SHLD2: variants seen among roughly 807,000 people sequenced by gnomAD.
SHLD2 encodes RINN1-REV7-interacting novel NHEJ regulator 2.
In SHLD2, 30 loss-of-function variants were observed where a neutral mutation model predicts 73.2. The observed-to-expected ratio is 0.41, with a 90% CI of 0.31 to 0.56. SHLD2 has a LOEUF of 0.56. Ranked by LOEUF, SHLD2 falls within the 20% of genes least tolerant of loss-of-function variation. The pLI, the probability that SHLD2 is intolerant of heterozygous loss-of-function variation, is 0.28. For missense variants in SHLD2, 745 were observed against 1,055.9 expected, an observed-to-expected ratio of 0.71 and a Z score of 4.08; for synonymous variants, 285 against 370.1, an observed-to-expected ratio of 0.77 and a Z score of 2.64.
At chr10:87,172,361 C>A (rs1014174685) in intron 6 of SHLD2, among the ~76,000 whole-genome samples, 1 of 151,732 alleles carries the variant, frequency 6.6e-6, no homozygotes, top group African/African-American at 2.4e-5. Flanking sequence ...AAATTTGATT[C>A]AAAAAACTGT....
intron 2 of SHLD2, among the ~76,000 whole-genome samples, chr10:87,133,679 A>G (rs1289762564): frequency 1.3e-5 from 2 of 152,268 alleles, no homozygotes; most frequent in Non-Finnish European, 2.9e-5. Flanking sequence ...AGAACGATAT[A>G]GCTGGAAAAA....
chr10:87,133,100 GTCTT>G (rs1489093024), intron 2 of SHLD2, among the ~76,000 whole-genome samples: 2 of 152,038 alleles, frequency 1.3e-5, no homozygotes, highest in Non-Finnish European at 2.9e-5. Context: ...TTCCAAAGTA[GTCTT>G]TCTTAACTAT....
At chr10:87,182,882 T>C (rs952581338) in intron 8 of SHLD2, among the ~76,000 whole-genome samples, 1 of 151,040 alleles carries the variant, frequency 6.6e-6, no homozygotes, top group Non-Finnish European at 1.5e-5. Context: ...TCTCACAAAG[T>C]GGCAGCTCAT....
Position 87,180,298 on chromosome 10 carries a change from T to TTA in SHLD2, c.2397_2398dup (p.Arg800IlefsTer5), listed in dbSNP as rs1848222541. On this transcript the variant is annotated frameshift_variant, in exon 8 of 10. Coordinates refer to ENST00000298786, the MANE Select transcript of SHLD2 (RefSeq NM_001330112.2). LOFTEE classifies it high-confidence loss of function. ...TGCCATTTACTATGAAGAAAATATA[T>TTA]TATAGGTAAGGCAACTAAGCAAGCC... The TTA allele has an allele frequency of 6.2e-7, 1 of 1,603,312 alleles. No individual in the cohort carries two copies. Among genetic ancestry groups the TTA allele is most frequent in the Admixed American group, 1.7e-5 (1 of 59,030 alleles).
At chr10:87,111,980 G>C (rs1161774056) in intron 2 of SHLD2, among the ~76,000 whole-genome samples, 1 of 151,412 alleles carries the variant, frequency 6.6e-6, no homozygotes, top group Non-Finnish European at 1.5e-5. Context: ...GCTCACGCCT[G>C]TAATCCCAGC....
intron 2 of SHLD2, among the ~76,000 whole-genome samples, chr10:87,116,889 A>C (rs1843291351): frequency 6.6e-6 from 1 of 152,120 alleles, no homozygotes. Flanking sequence ...CAGTAGCGAG[A>C]GTGTTTGAAG....
intron 2 of SHLD2, among the ~76,000 whole-genome samples, chr10:87,148,860 T>C (rs1845815344): frequency 6.6e-6 from 1 of 151,630 alleles, no homozygotes; most frequent in African/African-American, 2.4e-5. Flanking sequence ...TTGATTTGCA[T>C]ATATCTAAGT....
At chr10:87,098,902 A>G (rs993637125) in intron 2 of SHLD2, among the ~76,000 whole-genome samples, 1 of 152,038 alleles carries the variant, frequency 6.6e-6, no homozygotes. Flanking sequence ...CAGCCTCCTG[A>G]GTAGCTAGGA....
intron 6 of SHLD2, among the ~76,000 whole-genome samples, chr10:87,175,391 A>G (rs1847889226): frequency 6.6e-6 from 1 of 151,228 alleles, no homozygotes; most frequent in South Asian, 2.1e-4. Context: ...ATTTTATTAA[A>G]ATTATCTCTG....
chr10:87,144,620 T>C (rs1845446901), intron 2 of SHLD2, among the ~76,000 whole-genome samples: 1 of 54,964 alleles, frequency 1.8e-5, no homozygotes, highest in South Asian at 5.6e-4. Context: ...TTACTAATTT[T>C]TTTTTTTTTT....
intron 2 of SHLD2, among the ~76,000 whole-genome samples, chr10:87,104,664 CTT>C (rs960153184): frequency 6.8e-6 from 1 of 146,972 alleles, no homozygotes; most frequent in African/African-American, 2.5e-5. Flanking sequence ...AGGTAGGATT[CTT>C]TTTTTTTTTC....
chr10:87,166,561 G>C (rs528637825), intron 4 of SHLD2, among the ~76,000 whole-genome samples: 2 of 152,160 alleles, frequency 1.3e-5, no homozygotes, highest in Non-Finnish European at 2.9e-5. Context: ...AAGTTGATTT[G>C]TAAATTCAGT....
intron 2 of SHLD2, 32 bp downstream of exon 2, chr10:87,097,021 T>C (rs1841944543): frequency 6.6e-6 from 1 of 152,218 alleles, no homozygotes; most frequent in African/African-American, 2.4e-5. Flanking sequence ...GGATGTATTA[T>C]CGTTTTACTC....
chr10:87,109,145 T>C (rs909047453), intron 2 of SHLD2, among the ~76,000 whole-genome samples: 3 of 152,210 alleles, frequency 2.0e-5, no homozygotes, highest in African/African-American at 7.2e-5. Context: ...TTGGCTATTA[T>C]GCCTTTAGCA....
chr10:87,111,822 GAA>G (rs1564579751), intron 2 of SHLD2, among the ~76,000 whole-genome samples: 2 of 151,872 alleles, frequency 1.3e-5, no homozygotes, highest in African/African-American at 4.8e-5. Context: ...TTAAGAAAGT[GAA>G]AAGACAACCT....
rs537721271 is a variant in SHLD2 at position 87,139,801 on chromosome 10, G to A, written c.-5-11549G>A. ...GAACATGCCACTGTACTCCAACCTG[G>A]GTGACAGAGTGAGACTTTGTCTCAA... On this transcript the variant is annotated intron_variant, in intron 2 of 9. Coordinates refer to ENST00000298786, the MANE Select transcript of SHLD2 (RefSeq NM_001330112.2). Among the ~76,000 whole-genome samples, 25 of 152,246 alleles carry A rather than the reference G, an allele frequency of 1.6e-4. No homozygotes were observed. In the South Asian group the frequency reaches 4.6e-3, roughly 28 times the overall value.
intron 4 of SHLD2, among the ~76,000 whole-genome samples, chr10:87,166,064 C>A (rs1490268382): frequency 1.3e-5 from 2 of 151,922 alleles, no homozygotes; most frequent in African/African-American, 4.8e-5. Flanking sequence ...CAATTATCAT[C>A]CTAATTGGAA....
chr10:87,094,652 C>T, upstream of SHLD2: 2 of 1,597,598 alleles, frequency 1.3e-6, no homozygotes, highest in East Asian at 2.3e-5. This position sits in a 1 kb window ranked among gnomAD's most constrained non-coding sequence, Gnocchi z 6.6. Flanking sequence ...GGCTGCGGGG[C>T]GGCGGCGGGC....
At chr10:87,157,221 A>G (rs963634893) in intron 3 of SHLD2, among the ~76,000 whole-genome samples, 4 of 152,224 alleles carry the variant, frequency 2.6e-5, no homozygotes, top group Non-Finnish European at 5.9e-5. Context: ...TGTAGGTAAA[A>G]GGTTCAAAAG....
Sources: allele counts gnomAD v4.1 joint callset (sites outside exome capture counted in the v4.1 genomes callset), GRCh38; gene constraint gnomAD v4.1.1; non-coding constraint Gnocchi (gnomAD v3.1); transcripts MANE v1.5; gene names NCBI Gene and HGNC (gene_info 2026-07-23, HGNC 2026-07-21).